Variants in UBTD1 observed in about 807,000 individuals in gnomAD.
UBTD1 encodes the protein ubiquitin domain-containing protein 1.
Under a neutral mutation model 21.7 loss-of-function variants are expected in UBTD1, and 19 were observed. The observed-to-expected ratio is 0.87, with a 90% CI of 0.61 to 1.28. The LOEUF (loss-of-function observed/expected upper bound fraction) is 1.28, where lower values mean the gene tolerates loss of function less well. Among genes scored for constraint, UBTD1 ranks in the 50% most tolerant of loss-of-function variants. The pLI, the probability that UBTD1 is intolerant of heterozygous loss-of-function variation, is 0.00. For missense variants in UBTD1, 282 were observed against 315.1 expected, an observed-to-expected ratio of 0.89 and a Z score of 0.80; for synonymous variants, 116 against 135.1, an observed-to-expected ratio of 0.86 and a Z score of 0.98.
intron 1 of UBTD1, among the ~76,000 whole-genome samples, chr10:97,543,187 G>A (rs1266447675): frequency 6.6e-6 from 1 of 152,236 alleles, no homozygotes; most frequent in Non-Finnish European, 1.5e-5. Context: ...GAGACACTTG[G>A]GGAGAGCGGG....
intron 1 of UBTD1, among the ~76,000 whole-genome samples, chr10:97,542,103 C>T (rs547815321): frequency 2.0e-5 from 3 of 152,318 alleles, no homozygotes; most frequent in South Asian, 2.1e-4. Context: ...CTCCCAGCTC[C>T]GCCCCTCGCT....
At chr10:97,551,542 A>C (rs1394280659) in intron 1 of UBTD1, among the ~76,000 whole-genome samples, 1 of 152,114 alleles carries the variant, frequency 6.6e-6, no homozygotes, top group Admixed American at 6.5e-5. Flanking sequence ...TCTGTCTTTG[A>C]CCTGAAGCTT....
At position 97,518,913 on chromosome 10, in the gene UBTD1, A is replaced by T. The variant is rs561160626; in HGVS notation, c.70+19640A>T. On this transcript the variant is annotated intron_variant, in intron 1 of 2. Coordinates refer to ENST00000370664, the MANE Select transcript of UBTD1 (RefSeq NM_024954.5). ...ATTATCTCATTTAATCTTTGTAGTA[A>T]CTCAATGAAGTAAGTTGTATGATCA... Among the ~76,000 whole-genome samples, 4 of 152,320 alleles carry T rather than the reference A, an allele frequency of 2.6e-5. No homozygotes were observed. The South Asian group carries it at 8.3e-4, about 32-fold the overall frequency.
intron 1 of UBTD1, among the ~76,000 whole-genome samples, chr10:97,547,423 C>A (rs536087170): frequency 6.6e-6 from 1 of 152,158 alleles, no homozygotes; most frequent in East Asian, 1.9e-4. Flanking sequence ...AAAGTGCTGA[C>A]CCTACGCTGT....
chr10:97,510,343 C>T (rs989249757), intron 1 of UBTD1, among the ~76,000 whole-genome samples: 3 of 152,200 alleles, frequency 2.0e-5, no homozygotes, highest in Non-Finnish European at 4.4e-5. Flanking sequence ...GGTGACAGGT[C>T]ATTATGACAA....
intron 1 of UBTD1, among the ~76,000 whole-genome samples, chr10:97,504,601 G>T (rs1268749653): frequency 6.6e-6 from 1 of 152,082 alleles, no homozygotes; most frequent in Non-Finnish European, 1.5e-5. Context: ...CATTGCTTAT[G>T]TCATCCTCTG....
intron 2 of UBTD1, among the ~76,000 whole-genome samples, chr10:97,568,447 T>C (rs2040728811): frequency 6.6e-6 from 1 of 152,094 alleles, no homozygotes; most frequent in Non-Finnish European, 1.5e-5. Flanking sequence ...AGATGGAGTC[T>C]TACTTGCTCT....
chr10:97,511,194 C>T (rs573506988), intron 1 of UBTD1, among the ~76,000 whole-genome samples: 4 of 152,334 alleles, frequency 2.6e-5, no homozygotes, highest in Admixed American at 2.6e-4. Flanking sequence ...TATACTGCTA[C>T]TGATTGCACA....
intron 1 of UBTD1, among the ~76,000 whole-genome samples, chr10:97,521,331 G>C (rs2040466185): frequency 6.6e-6 from 1 of 152,168 alleles, no homozygotes; most frequent in Non-Finnish European, 1.5e-5. Context: ...TAGGTGCTTG[G>C]ATGCCTGGCA....
intron 1 of UBTD1, among the ~76,000 whole-genome samples, chr10:97,513,058 A>G (rs1394259643): frequency 1.3e-5 from 2 of 152,172 alleles, no homozygotes; most frequent in African/African-American, 4.8e-5. Context: ...GGGAATTGGT[A>G]TTGCTGGGGA....
chr10:97,511,443 C>G (rs1003333751), intron 1 of UBTD1, among the ~76,000 whole-genome samples: 6 of 152,206 alleles, frequency 3.9e-5, no homozygotes, highest in African/African-American at 1.2e-4. Flanking sequence ...GGGCCCTAAA[C>G]AGGTATCTCT....
At chr10:97,530,393 G>A (rs35483267) in intron 1 of UBTD1, among the ~76,000 whole-genome samples, 35,833 of 152,030 alleles carry the variant, frequency 0.24, 4,432 homozygotes, top group Non-Finnish European at 0.27. Context: ...AGTTACAGTC[G>A]CGCCACTGCA....
At chr10:97,527,705 C>T (rs920078787) in intron 1 of UBTD1, among the ~76,000 whole-genome samples, 5 of 151,914 alleles carry the variant, frequency 3.3e-5, no homozygotes, top group African/African-American at 9.7e-5. Flanking sequence ...CATCTTGCAC[C>T]ACCCTTAATC....
intron 2 of UBTD1, 99 bp downstream of exon 2, chr10:97,568,240 T>C (rs2040727824): frequency 1.6e-6 from 2 of 1,255,272 alleles, no homozygotes; most frequent in African/African-American, 1.5e-5. Flanking sequence ...GGCAGGTGGT[T>C]ACTCACGTAT....
At chr10:97,547,188 G>A (rs1376528778) in intron 1 of UBTD1, among the ~76,000 whole-genome samples, 1 of 152,202 alleles carries the variant, frequency 6.6e-6, no homozygotes, top group African/African-American at 2.4e-5. Flanking sequence ...TAGGCACCTG[G>A]CTGCCGTGCC....
intron 1 of UBTD1, among the ~76,000 whole-genome samples, chr10:97,552,215 T>G (rs1032229318): frequency 7.0e-6 from 1 of 142,460 alleles, no homozygotes; most frequent in African/African-American, 3.0e-5. Context: ...AAAAAAAAAT[T>G]TTTTTTAAAT....
intron 1 of UBTD1, among the ~76,000 whole-genome samples, chr10:97,529,547 C>T (rs975515840): frequency 1.6e-4 from 24 of 152,060 alleles, no homozygotes; most frequent in African/African-American, 5.3e-4. Flanking sequence ...GGATCACTCG[C>T]GGTTAGGAGC....
At chr10:97,500,703 A>G (rs1458805482) in intron 1 of UBTD1, among the ~76,000 whole-genome samples, 1 of 151,974 alleles carries the variant, frequency 6.6e-6, no homozygotes, top group African/African-American at 2.4e-5. Flanking sequence ...CCTTTCCACC[A>G]TCACCTTCTA....
chr10:97,552,393 C>CTTTT (rs60160152), intron 1 of UBTD1, among the ~76,000 whole-genome samples: 52 of 119,878 alleles, frequency 4.3e-4, no homozygotes, highest in Admixed American at 1.7e-3. Flanking sequence ...ATTATACACC[C>CTTTT]TTTTTTTTTT....
Sources: gnomAD v4.1 joint callset for allele counts (sites outside exome capture counted in the v4.1 genomes callset) on GRCh38, gnomAD v4.1.1 for gene constraint, MANE v1.5 for transcripts, NCBI Gene and HGNC (gene_info 2026-07-23, HGNC 2026-07-21) for gene names.